CNTN6: variants seen among roughly 807,000 people sequenced by gnomAD.
CNTN6 encodes contactin-6.
A neutral mutation model predicts 122.8 loss-of-function variants in CNTN6; 137 were observed. That is an observed-to-expected ratio of 1.12 (90% CI 0.97 to 1.29). The LOEUF is 1.29. Among genes scored for constraint, CNTN6 ranks in the 50% most tolerant of loss-of-function variants. The pLI, the probability that CNTN6 is intolerant of heterozygous loss-of-function variation, is 0.00. For missense variants in CNTN6, 1,634 were observed against 1,223.4 expected (o/e 1.34, Z -5.01); for synonymous variants, 570 against 426.0 (o/e 1.34, Z -4.16).
intron 20 of CNTN6, among the ~76,000 whole-genome samples, chr3:1,391,153 C>A (rs1319141751): frequency 1.4e-5 from 1 of 70,520 alleles, no homozygotes; most frequent in East Asian, 4.0e-4. Flanking sequence ...CAAAAATCCT[C>A]AATAAAATAC....
intron 2 of CNTN6, among the ~76,000 whole-genome samples, chr3:1,174,034 T>A (rs1397084901): frequency 6.6e-6 from 1 of 152,170 alleles, no homozygotes; most frequent in Non-Finnish European, 1.5e-5. Context: ...AATAGAAAAC[T>A]CTACATTCAT....
At chr3:1,238,303 C>A (rs989033152) in intron 4 of CNTN6, among the ~76,000 whole-genome samples, 1 of 152,074 alleles carries the variant, frequency 6.6e-6, no homozygotes, top group Non-Finnish European at 1.5e-5. Flanking sequence ...TTCTATCAGA[C>A]AAAACATACT....
intron 2 of CNTN6, among the ~76,000 whole-genome samples, chr3:1,194,192 C>T (rs539196743): frequency 1.1e-4 from 16 of 151,664 alleles, no homozygotes; most frequent in Middle Eastern, 3.4e-3. Flanking sequence ...TCTAGGTGAG[C>T]GCTGCCCCAA....
At chr3:1,364,887 T>C (rs1244196714) in intron 12 of CNTN6, among the ~76,000 whole-genome samples, 1 of 151,986 alleles carries the variant, frequency 6.6e-6, no homozygotes, top group Non-Finnish European at 1.5e-5. Context: ...TTTTATATAA[T>C]AACTTTTAGC....
chr3:1,400,159 C>A (rs1043004728), intron 20 of CNTN6, among the ~76,000 whole-genome samples: 1 of 152,072 alleles, frequency 6.6e-6, no homozygotes. Flanking sequence ...GCTCACTCAG[C>A]CTCACAAATT....
Position 1,294,965 on chromosome 3 carries a change from A to C in CNTN6, c.455-636A>C, listed in dbSNP as rs940819979. 6.6e-5 allele frequency among the ~76,000 whole-genome samples: 10 copies of C among 152,188 alleles called. No individual in the cohort carries two copies. The East Asian group carries it at 1.3e-3, about 21-fold the overall frequency. On this transcript the variant is annotated intron_variant, in intron 5 of 22. Coordinates refer to ENST00000446702, the MANE Select transcript of CNTN6 (RefSeq NM_001289080.2). ...CAGAATAGCTGCTTAAAATTATGTA[A>C]TAATCAGGCCAGTGCAGTGGCTCAT...
At chr3:1,271,549 C>T (rs1466755524) in intron 4 of CNTN6, among the ~76,000 whole-genome samples, 1 of 152,116 alleles carries the variant, frequency 6.6e-6, no homozygotes, top group African/African-American at 2.4e-5. Context: ...GCATAGCTCT[C>T]TATGTTGGTC....
chr3:1,329,080 T>C (rs1701916817), intron 10 of CNTN6, among the ~76,000 whole-genome samples: 2 of 151,354 alleles, frequency 1.3e-5, no homozygotes, highest in South Asian at 4.2e-4. Flanking sequence ...AAATCACATA[T>C]ATATGTATAT....
intron 19 of CNTN6, among the ~76,000 whole-genome samples, chr3:1,385,299 C>G (rs944568434): frequency 6.6e-6 from 1 of 151,886 alleles, no homozygotes; most frequent in Non-Finnish European, 1.5e-5. Context: ...GTGTTTTTGT[C>G]TGACTTGTTA....
intron 2 of CNTN6, among the ~76,000 whole-genome samples, chr3:1,177,188 C>T (rs564023048): frequency 6.6e-6 from 1 of 152,198 alleles, no homozygotes; most frequent in Non-Finnish European, 1.5e-5. Flanking sequence ...TTAAAAGAAG[C>T]GAGAGATTGC....
chr3:1,095,487 A>C (rs1338109302), intron 1 of CNTN6, among the ~76,000 whole-genome samples: 1 of 152,060 alleles, frequency 6.6e-6, no homozygotes, highest in Non-Finnish European at 1.5e-5. Flanking sequence ...ACAAACAAAC[A>C]AACAGAAAAC....
chr3:1,269,264 A>G (rs1444995738), intron 4 of CNTN6, among the ~76,000 whole-genome samples: 1 of 152,234 alleles, frequency 6.6e-6, no homozygotes, highest in East Asian at 1.9e-4. Context: ...TAGCATTTGA[A>G]TATAGATAGT....
intron 2 of CNTN6, among the ~76,000 whole-genome samples, chr3:1,212,544 C>CAT (rs749418038): frequency 1.1e-4 from 16 of 150,756 alleles, no homozygotes; most frequent in Middle Eastern, 3.2e-3. Flanking sequence ...TACACACACA[C>CAT]ATATATATGT....
chr3:1,242,340 A>T (rs557051272), intron 4 of CNTN6, among the ~76,000 whole-genome samples: 1 of 151,982 alleles, frequency 6.6e-6, no homozygotes, highest in South Asian at 2.1e-4. Context: ...TGAGGACAAA[A>T]GAGTGTAGGG....
chr3:1,114,300 A>G (rs1409771286), intron 1 of CNTN6, among the ~76,000 whole-genome samples: 1 of 152,198 alleles, frequency 6.6e-6, no homozygotes, highest in Non-Finnish European at 1.5e-5. Context: ...CTATTTAGCC[A>G]TCACTTGAAT....
intron 4 of CNTN6, among the ~76,000 whole-genome samples, chr3:1,272,106 T>C (rs1327873091): frequency 2.6e-5 from 4 of 152,220 alleles, no homozygotes; most frequent in African/African-American, 9.6e-5. Flanking sequence ...CCTGCCGCCA[T>C]GTAAGACATG....
chr3:1,377,083 T>G lies in CNTN6; in HGVS notation c.2166+8T>G, dbSNP rs761966278. ...CTCGTCATTACGTGGGAGGTAATTTTCTGTCCAACTGAGTTATTTTGAAGA... is the reference window on the plus strand; with the variant it reads ...CTCGTCATTACGTGGGAGGTAATTTGCTGTCCAACTGAGTTATTTTGAAGA... On this transcript the variant is annotated splice_region_variant and intron_variant, in intron 17 of 22. Transcript: ENST00000446702. 1.3e-6 allele frequency: 2 copies of G among 1,583,124 alleles called. No homozygotes were observed. Among genetic ancestry groups the G allele is most frequent in the South Asian group, 1.1e-5 (1 of 87,006 alleles).
Position 1,309,987 on chromosome 3 carries a change from C to T in CNTN6, c.762-11663C>T, listed in dbSNP as rs186176215. On this transcript the variant is annotated intron_variant, in intron 7 of 22. Transcript: ENST00000446702. ...TGACTTTGATATATTAACATTGTAT[C>T]TTGTTGCCTTGCTATAAGCACTTAT... Among the ~76,000 whole-genome samples, 238 of 152,204 alleles carry T rather than the reference C, an allele frequency of 1.6e-3. 3 individuals are homozygous for T. The highest frequency in any genetic ancestry group is 2.4e-3 in the Non-Finnish European group (164 of 68,000).
intron 12 of CNTN6, among the ~76,000 whole-genome samples, chr3:1,365,850 C>G (rs1161653744): frequency 2.0e-5 from 3 of 152,140 alleles, no homozygotes; most frequent in East Asian, 1.9e-4. Flanking sequence ...ATCTTTCTTT[C>G]TTGAAGTATT....
Sources: gnomAD v4.1 joint callset for allele counts (sites outside exome capture counted in the v4.1 genomes callset) on GRCh38, gnomAD v4.1.1 for gene constraint, MANE v1.5 for transcripts, NCBI Gene and HGNC (gene_info 2026-07-23, HGNC 2026-07-21) for gene names.